PPARGC1A: variants seen among roughly 807,000 people sequenced by gnomAD.
The protein encoded by PPARGC1A is PPARG coactivator 1 alpha, also known as peroxisome proliferator-activated receptor gamma coactivator 1-alpha.
Under a neutral mutation model 88.7 loss-of-function variants are expected in PPARGC1A, and 25 were observed. The ratio of observed to expected loss-of-function variants is 0.28; its 90% CI spans 0.21 to 0.39. The LOEUF is 0.39. Ranked by LOEUF, PPARGC1A falls within the 10% of genes least tolerant of loss-of-function variation. The probability of loss-of-function intolerance (pLI) is 1.00; values close to 1 mark genes in which losing one functional copy is unlikely to be tolerated. For synonymous variants in PPARGC1A, 363 were observed against 355.6 expected (o/e 1.02, Z -0.24); for missense variants, 880 against 968.7 (o/e 0.91, Z 1.22).
At chr4:24,095,951 C>T in the PPARGC1A span, among the ~76,000 whole-genome samples, 42 of 152,220 alleles carry the variant, frequency 2.8e-4, no homozygotes, top group East Asian at 7.6e-3. Context: ...ATGTTAACCA[C>T]GACTGAATTT....
the PPARGC1A span, among the ~76,000 whole-genome samples, chr4:24,254,504 T>C: frequency 6.6e-6 from 1 of 152,190 alleles, no homozygotes; most frequent in Non-Finnish European, 1.5e-5. Context: ...GGGACACTTT[T>C]AGCAAAATGA....
the PPARGC1A span, among the ~76,000 whole-genome samples, chr4:24,135,899 A>G: frequency 3.9e-5 from 6 of 152,184 alleles, no homozygotes; most frequent in Non-Finnish European, 5.9e-5. Flanking sequence ...GAATGCGTTT[A>G]AACACCACAG....
At chr4:24,116,824 CCTGT>C in the PPARGC1A span, among the ~76,000 whole-genome samples, 1 of 152,138 alleles carries the variant, frequency 6.6e-6, no homozygotes, top group African/African-American at 2.4e-5. Context: ...AACTCCTAAC[CCTGT>C]CTATCCCCTA....
At chr4:24,201,400 G>A in the PPARGC1A span, among the ~76,000 whole-genome samples, 1 of 152,212 alleles carries the variant, frequency 6.6e-6, no homozygotes, top group Non-Finnish European at 1.5e-5. Flanking sequence ...AAGACAAATG[G>A]TGAATCCCTC....
At chr4:23,812,487 T>A (rs2109445295) in intron 10 of PPARGC1A, among the ~76,000 whole-genome samples, 1 of 152,252 alleles carries the variant, frequency 6.6e-6, no homozygotes, top group Non-Finnish European at 1.5e-5. Context: ...CCTCCATTTT[T>A]CAAAACAGAA....
intron 1 of PPARGC1A, among the ~76,000 whole-genome samples, chr4:23,899,095 C>G (rs2148875811): frequency 6.7e-6 from 1 of 149,022 alleles, no homozygotes; most frequent in East Asian, 2.0e-4. Context: ...CCCCCCCCGG[C>G]CTTGGCCTTC....
At chr4:23,820,474 T>C in intron 7 of PPARGC1A, 2 of 261,986 alleles carry the variant, frequency 7.6e-6, no homozygotes, top group Non-Finnish European at 1.6e-5. Flanking sequence ...CGTCACCTTG[T>C]TGAGCTGACA....
chr4:24,471,418 A>G, the PPARGC1A span, among the ~76,000 whole-genome samples: 1 of 152,112 alleles, frequency 6.6e-6, no homozygotes, highest in African/African-American at 2.4e-5. This position sits in a 1 kb window ranked among gnomAD's most constrained non-coding sequence, Gnocchi z 5.4. Context: ...TTCCCCGCGT[A>G]GTTTGGAGAT....
the PPARGC1A span, among the ~76,000 whole-genome samples, chr4:24,323,181 C>T: frequency 1.1e-4 from 16 of 152,034 alleles, no homozygotes; most frequent in African/African-American, 3.9e-4. Context: ...CAGACCAAAC[C>T]CTGAAGTCAT....
the PPARGC1A span, among the ~76,000 whole-genome samples, chr4:24,458,173 A>G: frequency 1.3e-5 from 2 of 152,196 alleles, no homozygotes; most frequent in Non-Finnish European, 2.9e-5. Flanking sequence ...TATGGTTGTT[A>G]AAAAGGGTTA....
the PPARGC1A span, among the ~76,000 whole-genome samples, chr4:24,050,707 A>G: frequency 6.6e-6 from 1 of 152,134 alleles, no homozygotes; most frequent in African/African-American, 2.4e-5. Context: ...CTTCAAGGAA[A>G]TATTTTTGTT....
the PPARGC1A span, among the ~76,000 whole-genome samples, chr4:24,382,724 G>A: frequency 6.6e-6 from 1 of 152,132 alleles, no homozygotes; most frequent in South Asian, 2.1e-4. Flanking sequence ...TTTTCCAAAG[G>A]CAGCAGCACC....
the PPARGC1A span, among the ~76,000 whole-genome samples, chr4:24,138,307 C>G: frequency 1.3e-5 from 2 of 152,172 alleles, no homozygotes; most frequent in Admixed American, 6.5e-5. Context: ...GTCAGTTTCT[C>G]TAGTTAAGTC....
the PPARGC1A span, among the ~76,000 whole-genome samples, chr4:24,427,427 A>C: frequency 6.6e-6 from 1 of 151,944 alleles, no homozygotes; most frequent in African/African-American, 2.4e-5. Flanking sequence ...ACTACAGGCA[A>C]GTGCTACCAT....
At chr4:23,987,953 C>A in the PPARGC1A span, among the ~76,000 whole-genome samples, 13 of 151,844 alleles carry the variant, frequency 8.6e-5, 1 homozygote, top group Non-Finnish European at 1.8e-4. Flanking sequence ...CACCCACCCC[C>A]CAACAGGCCC....
At chr4:23,833,826 C>T (rs1725496118) in intron 2 of PPARGC1A, among the ~76,000 whole-genome samples, 1 of 152,148 alleles carries the variant, frequency 6.6e-6, no homozygotes, top group African/African-American at 2.4e-5. Flanking sequence ...TCTCACGTCC[C>T]TGGATTTGAG....
chr4:23,877,360 CAAAAAAAAAAAA>C (rs551447166), intron 2 of PPARGC1A, among the ~76,000 whole-genome samples: 8 of 62,818 alleles, frequency 1.3e-4, no homozygotes, highest in African/African-American at 2.2e-4. Flanking sequence ...ACTAAAAATA[CAAAAAAAAAAAA>C]AAAAAAAAAA....
the PPARGC1A span, among the ~76,000 whole-genome samples, chr4:23,956,260 G>A: frequency 6.6e-6 from 1 of 151,946 alleles, no homozygotes; most frequent in Non-Finnish European, 1.5e-5. Context: ...CATCACCTGT[G>A]GATCTTATTA....
the PPARGC1A span, among the ~76,000 whole-genome samples, chr4:24,306,248 T>A: frequency 6.6e-6 from 1 of 152,006 alleles, no homozygotes; most frequent in African/African-American, 2.4e-5. Context: ...ACAGGGAAAA[T>A]CATGGTCACA....
Sources: gnomAD v4.1 joint callset for allele counts (sites outside exome capture counted in the v4.1 genomes callset) on GRCh38, gnomAD v4.1.1 for gene constraint, Gnocchi (gnomAD v3.1) non-coding constraint, MANE v1.5 for transcripts, NCBI Gene and HGNC (gene_info 2026-07-23, HGNC 2026-07-21) for gene names.